The following GUCY1B1 variants were observed in gnomAD, a reference collection of about 807,000 sequenced individuals.
GUCY1B1 encodes the protein guanylate cyclase soluble subunit beta-1.
In GUCY1B1, 43 loss-of-function variants were observed where a neutral mutation model predicts 71.0. The ratio of observed to expected loss-of-function variants is 0.61; its 90% CI spans 0.47 to 0.78. The LOEUF (loss-of-function observed/expected upper bound fraction) is 0.78, where lower values mean the gene tolerates loss of function less well. GUCY1B1 is among the 30% of genes least tolerant of loss of function. The pLI, the probability that GUCY1B1 is intolerant of heterozygous loss-of-function variation, is 0.00. For missense variants in GUCY1B1, 535 were observed against 754.1 expected, an observed-to-expected ratio of 0.71 and a Z score of 3.40; for synonymous variants, 266 against 259.7, an observed-to-expected ratio of 1.02 and a Z score of -0.23.
intron 2 of GUCY1B1, among the ~76,000 whole-genome samples, chr4:155,774,686 T>C (rs548824771): frequency 2.6e-5 from 4 of 152,320 alleles, no homozygotes; most frequent in East Asian, 1.9e-4. Context: ...TAATTTATTA[T>C]ATTTAATGGC....
chr4:155,803,895 A>C, intron 11 of GUCY1B1, 131 bp downstream of exon 11: 5 of 540,358 alleles, frequency 9.3e-6, no homozygotes, highest in East Asian at 3.3e-5. Context: ...ATAGCATTTC[A>C]TCCAGCCCAC....
chr4:155,792,805 G>C (rs1159355061), intron 5 of GUCY1B1, among the ~76,000 whole-genome samples: 2 of 152,086 alleles, frequency 1.3e-5, no homozygotes, highest in African/African-American at 4.8e-5. Flanking sequence ...CCAAAAAGAA[G>C]AGGAAAATCT....
rs1485630727 is a variant in GUCY1B1, at chr4:155,774,985, A to G, written c.95A>G (p.Asp32Gly). The G allele has an allele frequency of 1.9e-6, 3 of 1,584,422 alleles. No homozygotes were observed. Among genetic ancestry groups the G allele is most frequent in the African/African-American group, 2.7e-5 (2 of 74,300 alleles). Reference sequence around the variant, plus strand: ...TTTTCCAGAAAAGAGGCACAGTTAGATGAAGAAGGACAGTTTCTTGTCAGA... The same window carrying G: ...TTTTCCAGAAAAGAGGCACAGTTAGGTGAAGAAGGACAGTTTCTTGTCAGA... ...WEDIKKEAQL[D>G]EEGQFLVRII... The change falls in exon 3 of 14, where the codon GAT (aspartate) becomes GGT (glycine). Residue 32 changes from aspartate to glycine, a missense_variant. Asp to Gly is a moderately conservative substitution (Grantham distance 94). Coordinates refer to ENST00000264424, the MANE Select transcript of GUCY1B1 (RefSeq NM_000857.5).
chr4:155,802,807 G>A lies in GUCY1B1; in HGVS notation c.1413+228G>A, dbSNP rs72681515. On this transcript the variant is annotated intron_variant, in intron 10 of 13. Coordinates refer to ENST00000264424, the MANE Select transcript of GUCY1B1 (RefSeq NM_000857.5). This position sits in a 1 kb window ranked among gnomAD's most constrained non-coding sequence, Gnocchi z 4.3. ...TGTTTCATGAAGTGGGTGATTCCCT[G>A]GTTAAAATGAAATGTTCACCATCTT... Among the ~76,000 whole-genome samples, 1 of 152,160 alleles carries A rather than the reference G, an allele frequency of 6.6e-6. No individual in the cohort carries two copies. Among genetic ancestry groups the A allele is most frequent in the Non-Finnish European group, 1.5e-5 (1 of 67,996 alleles).
At chr4:155,760,238 G>A (rs1736899699) in intron 2 of GUCY1B1, among the ~76,000 whole-genome samples, 1 of 152,190 alleles carries the variant, frequency 6.6e-6, no homozygotes, top group African/African-American at 2.4e-5. Context: ...GCGCCCGGAG[G>A]CCTTAGAAAC....
chr4:155,800,406 G>C (rs2111163669), intron 9 of GUCY1B1, among the ~76,000 whole-genome samples: 2 of 152,284 alleles, frequency 1.3e-5, no homozygotes, highest in South Asian at 4.1e-4. Context: ...TTTCATACAA[G>C]AGTTATATAT....
intron 6 of GUCY1B1, 83 bp from the exon 7 acceptor site, chr4:155,795,258 C>T (rs541141666): frequency 4.7e-6 from 3 of 644,668 alleles, no homozygotes; most frequent in Non-Finnish European, 8.1e-6. Context: ...TATAACTGAG[C>T]TGATTTAATC....
At chr4:155,792,639 GAAA>G (rs754158089) in intron 5 of GUCY1B1, among the ~76,000 whole-genome samples, 1 of 136,970 alleles carries the variant, frequency 7.3e-6, no homozygotes, top group Admixed American at 7.4e-5. Context: ...GGGTACTCCT[GAAA>G]AAAAAAAAAG....
chr4:155,796,016 T>C (rs909605799), intron 7 of GUCY1B1, among the ~76,000 whole-genome samples: 2 of 152,216 alleles, frequency 1.3e-5, no homozygotes, highest in African/African-American at 4.8e-5. Context: ...AGCTGCTCTA[T>C]GAATACAGGG....
At position 155,795,573 on chromosome 4, in the gene GUCY1B1, C is replaced by T. The variant is rs1579245971; in HGVS notation, c.843+116C>T. ...GTATAGAGAGATAAAACCCAGACCTCAAAGGAAGATCTATTTAAAAGGCAA... is the reference window on the plus strand; with the variant it reads ...GTATAGAGAGATAAAACCCAGACCTTAAAGGAAGATCTATTTAAAAGGCAA... On this transcript the variant is annotated intron_variant, in intron 7 of 13. Transcript: ENST00000264424. 7.5e-6 allele frequency: 4 copies of T among 533,876 alleles called. No individual in the cohort carries two copies. The East Asian group carries it at 1.2e-4, about 17-fold the overall frequency. The allele number at this position is 533,876 out of a possible 1,614,324, so 33.1% of individuals were successfully genotyped here.
intron 5 of GUCY1B1, among the ~76,000 whole-genome samples, chr4:155,791,527 G>A (rs1739166191): frequency 6.8e-6 from 1 of 147,382 alleles, no homozygotes; most frequent in South Asian, 2.3e-4. Flanking sequence ...TCAGGAGATT[G>A]AGACCATCCT....
chr4:155,800,329 A>T (rs1419161233), intron 9 of GUCY1B1, among the ~76,000 whole-genome samples: 2 of 152,248 alleles, frequency 1.3e-5, no homozygotes, highest in Non-Finnish European at 2.9e-5. Flanking sequence ...TTGGAAAATC[A>T]TGAGAATAAC....
chr4:155,807,448 T>C lies in GUCY1B1; in HGVS notation c.*1039T>C, dbSNP rs1421554416. 1 of 152,184 alleles carries C rather than the reference T, an allele frequency of 6.6e-6. No homozygotes were observed. Among genetic ancestry groups the C allele is most frequent in the African/African-American group, 2.4e-5 (1 of 41,448 alleles). The allele number at this position is 152,184 out of a possible 1,614,324, so 9.4% of individuals were successfully genotyped here. A position where few individuals can be genotyped will look rare whatever the true frequency, so the allele number is the denominator to read the frequency against. ...ATGTCTCTGATAACTTATTAATATC[T>C]ATCTTTATAAAATAGAGTGCAACTA... On this transcript the variant is annotated 3_prime_UTR_variant, in exon 14 of 14. Transcript: ENST00000264424.
intron 5 of GUCY1B1, 91 bp from the exon 6 acceptor site, chr4:155,793,765 A>C: frequency 1.6e-6 from 1 of 644,514 alleles, no homozygotes; most frequent in South Asian, 2.0e-5. Flanking sequence ...AATCTTCTAA[A>C]TGCAGTATTC....
chr4:155,785,146 T>C (rs1237407617), intron 4 of GUCY1B1: 4 of 514,870 alleles, frequency 7.8e-6, no homozygotes, highest in Non-Finnish European at 1.3e-5. Flanking sequence ...TAAAATGATA[T>C]TAGAACATTA....
chr4:155,799,860 A>G lies in GUCY1B1; in HGVS notation c.978-17A>G. On this transcript the variant is annotated splice_polypyrimidine_tract_variant and intron_variant, in intron 8 of 13. Transcript: ENST00000264424. ...TATAAGTTGAGACTGATCTTGCCTC[A>G]TTTCTCCATATGACAGTGTCATGAA... 1 of 1,544,976 alleles carries G rather than the reference A, an allele frequency of 6.5e-7. No individual in the cohort carries two copies. Among genetic ancestry groups the G allele is most frequent in the Non-Finnish European group, 8.9e-7 (1 of 1,124,940 alleles).
At chr4:155,789,946 T>A in intron 5 of GUCY1B1, 35 bp downstream of exon 5, 1 of 1,333,756 alleles carries the variant, frequency 7.5e-7, no homozygotes, top group Non-Finnish European at 1.1e-6. Context: ...TGAACACAGA[T>A]GACATCTAAA....
At chr4:155,799,208 A>G (rs1350755431) in intron 8 of GUCY1B1, among the ~76,000 whole-genome samples, 1 of 152,198 alleles carries the variant, frequency 6.6e-6, no homozygotes, top group Non-Finnish European at 1.5e-5. Flanking sequence ...AAACATTATT[A>G]TGTTGTTGGA....
intron 1 of GUCY1B1, 137 bp downstream of exon 1, chr4:155,759,280 C>T (rs1159944057): frequency 3.7e-6 from 3 of 814,706 alleles, no homozygotes; most frequent in African/African-American, 3.6e-5. Context: ...CAGCCTCACT[C>T]CTTGCCCGCG....
Sources: gnomAD v4.1 joint callset for allele counts (sites outside exome capture counted in the v4.1 genomes callset) on GRCh38, gnomAD v4.1.1 for gene constraint, Gnocchi (gnomAD v3.1) non-coding constraint, MANE v1.5 for transcripts, NCBI Gene and HGNC (gene_info 2026-07-23, HGNC 2026-07-21) for gene names.